ACBD6: variants seen among roughly 807,000 people sequenced by gnomAD.
ACBD6 encodes acyl-CoA binding domain containing 6.
In ACBD6, 28 loss-of-function variants were observed where a neutral mutation model predicts 37.2. That is an observed-to-expected ratio of 0.75 (90% CI 0.56 to 1.03). ACBD6 has a LOEUF of 1.03. ACBD6 is among the 50% of genes least tolerant of loss of function. The pLI is 0.00. For synonymous variants in ACBD6, 113 were observed against 126.8 expected (o/e 0.89, Z 0.73); for missense variants, 340 against 337.4 (o/e 1.01, Z -0.06).
chr1:180,459,875 C>A (rs1650063418), intron 3 of ACBD6, among the ~76,000 whole-genome samples: 1 of 151,750 alleles, frequency 6.6e-6, no homozygotes, highest in Non-Finnish European at 1.5e-5. Flanking sequence ...CTGGTTCCAG[C>A]CTGTGGGCTT....
At chr1:180,360,421 C>T (rs1404865708) in intron 6 of ACBD6, among the ~76,000 whole-genome samples, 1 of 152,158 alleles carries the variant, frequency 6.6e-6, no homozygotes. Flanking sequence ...CACACATGCC[C>T]TTGGCCAGTG....
At chr1:180,464,233 T>C (rs1366544843) in intron 3 of ACBD6, among the ~76,000 whole-genome samples, 2 of 152,124 alleles carry the variant, frequency 1.3e-5, no homozygotes, top group East Asian at 3.9e-4. Flanking sequence ...TCAAATAGTA[T>C]GAGAGGAAGT....
chr1:180,395,657 G>A (rs1020427540), intron 6 of ACBD6, among the ~76,000 whole-genome samples: 3 of 152,142 alleles, frequency 2.0e-5, no homozygotes, highest in Non-Finnish European at 4.4e-5. Context: ...AACAACAAGT[G>A]TGGACAAGGA....
intron 3 of ACBD6, among the ~76,000 whole-genome samples, chr1:180,436,357 C>G (rs182584064): frequency 2.8e-4 from 43 of 152,236 alleles, no homozygotes; most frequent in African/African-American, 1.0e-3. Context: ...ACAAACTCAC[C>G]TGAATGGGAT....
Position 180,439,071 on chromosome 1 carries a change from G to C in ACBD6, c.385-8809C>G, listed in dbSNP as rs558589171. 7.9e-5 allele frequency among the ~76,000 whole-genome samples: 12 copies of C among 152,064 alleles called. No individual in the cohort carries two copies. The South Asian group carries it at 1.7e-3, about 21-fold the overall frequency. ...CTTTCACTTAGCATTATGCATTTAA[G>C]GTTCCTCCATGTCTTTTCATGGTCT... is the stretch of plus-strand genomic sequence containing the variant. On this transcript the variant is annotated intron_variant, in intron 3 of 7. Coordinates refer to ENST00000367595, the MANE Select transcript of ACBD6 (RefSeq NM_032360.4).
chr1:180,271,330 C>T, exon 14 of ACBD6: 1 of 1,607,452 alleles, frequency 6.2e-7, no homozygotes, highest in Non-Finnish European at 8.5e-7. Flanking sequence ...GGAGGAGGCG[C>T]AGCTGCTGCA....
At chr1:180,343,135 C>G (rs1044471748) in intron 6 of ACBD6, among the ~76,000 whole-genome samples, 1 of 151,744 alleles carries the variant, frequency 6.6e-6, no homozygotes, top group Admixed American at 6.6e-5. Flanking sequence ...AAATACCCAA[C>G]TGAATTAAAA....
intron 9 of ACBD6, among the ~76,000 whole-genome samples, chr1:180,280,350 G>C (rs1454687768): frequency 7.7e-6 from 1 of 129,222 alleles, no homozygotes; most frequent in East Asian, 2.3e-4. Flanking sequence ...TTCCTGGATA[G>C]AGAAAACTTA....
At chr1:180,415,797 T>C (rs554959929) in intron 4 of ACBD6, among the ~76,000 whole-genome samples, 3 of 152,316 alleles carry the variant, frequency 2.0e-5, no homozygotes, top group African/African-American at 7.2e-5. Flanking sequence ...AGTAAAAAAG[T>C]AAACACAGTA....
chr1:180,340,057 C>A (rs1270555395), intron 6 of ACBD6, among the ~76,000 whole-genome samples: 2 of 151,886 alleles, frequency 1.3e-5, no homozygotes, highest in African/African-American at 2.4e-5. Flanking sequence ...GGTTATGTAC[C>A]CAGCATGTCT....
chr1:180,290,618 TAC>T (rs2149277873), intron 7 of ACBD6, among the ~76,000 whole-genome samples: 2 of 152,250 alleles, frequency 1.3e-5, no homozygotes, highest in South Asian at 4.2e-4. Context: ...CAGAAATACA[TAC>T]ACTGCAAAGG....
intron 6 of ACBD6, among the ~76,000 whole-genome samples, chr1:180,374,616 ATTC>A (rs1653369660): frequency 6.6e-6 from 1 of 152,234 alleles, no homozygotes; most frequent in Admixed American, 6.5e-5. Flanking sequence ...AATTAAAGTA[ATTC>A]TTTAGAAAAT....
rs1031578607 is a variant in ACBD6, at chr1:180,502,348, C to T, written c.-82G>A. 2.7e-6 allele frequency: 4 copies of T among 1,492,622 alleles called. No homozygotes were observed. The Admixed American group carries it at 7.5e-5, about 28-fold the overall frequency. The allele number at this position is 1,492,622 out of a possible 1,614,324, so 92.5% of individuals were successfully genotyped here. A position where few individuals can be genotyped will look rare whatever the true frequency, so the allele number is the denominator to read the frequency against. On this transcript the variant is annotated 5_prime_UTR_variant, in exon 1 of 8. The change creates a new upstream start codon in the 5' untranslated region. Coordinates refer to ENST00000367595, the MANE Select transcript of ACBD6 (RefSeq NM_032360.4). ...AAGGCCGGCTTGGAGGCCTGGCCCA[C>T]CAGTCTGGGTCGCGAGCCTGAGCTC...
At position 180,502,292 on chromosome 1, in the gene ACBD6, G is replaced by A. The variant is rs1262005474; in HGVS notation, c.-26C>T. 2 of 1,610,632 alleles carry A rather than the reference G, an allele frequency of 1.2e-6. No homozygotes were observed. Among genetic ancestry groups the A allele is most frequent in the South Asian group, 1.1e-5 (1 of 90,864 alleles). On this transcript the variant is annotated 5_prime_UTR_variant, in exon 1 of 8. Coordinates refer to ENST00000367595, the MANE Select transcript of ACBD6 (RefSeq NM_032360.4). ...GTCTCCTTGCTCGCTCCGTCCCTCT[G>A]TGTCCGGTCTGTCCTCCTTGGATTG... is the stretch of plus-strand genomic sequence containing the variant.
At chr1:180,450,662 A>G (rs1482710179) in intron 3 of ACBD6, among the ~76,000 whole-genome samples, 3 of 152,194 alleles carry the variant, frequency 2.0e-5, no homozygotes, top group African/African-American at 7.2e-5. Context: ...CGGGAGGCTG[A>G]GGCAGAAGAA....
Position 180,305,978 on chromosome 1 carries a change from C to T in ACBD6, c.694+8714G>A, listed in dbSNP as rs562931265. Among the ~76,000 whole-genome samples the T allele has an allele frequency of 2.6e-5, 4 of 151,854 alleles. No individual in the cohort carries two copies. In the East Asian group the frequency reaches 5.8e-4, roughly 22 times the overall value. On this transcript the variant is annotated intron_variant, in intron 7 of 7. Transcript: ENST00000367595. Reference sequence around the variant, plus strand: ...ATGGATGAAGCTGGAAACCACCATTCGCAGCAAACTATCGCAAGGACAAAA... The same window carrying T: ...ATGGATGAAGCTGGAAACCACCATTTGCAGCAAACTATCGCAAGGACAAAA...
chr1:180,420,964 C>T (rs1362015361), intron 4 of ACBD6, among the ~76,000 whole-genome samples: 2 of 152,086 alleles, frequency 1.3e-5, no homozygotes, highest in Non-Finnish European at 2.9e-5. Flanking sequence ...TATGGCATTT[C>T]TGTCTACATT....
intron 6 of ACBD6, among the ~76,000 whole-genome samples, chr1:180,396,689 G>C (rs1183732088): frequency 1.3e-5 from 2 of 152,058 alleles, no homozygotes; most frequent in Non-Finnish European, 2.9e-5. Context: ...GTATGAAAAG[G>C]TACTCCATAT....
chr1:180,375,883 A>AT (rs1454446472), intron 6 of ACBD6, among the ~76,000 whole-genome samples: 1 of 152,202 alleles, frequency 6.6e-6, no homozygotes, highest in African/African-American at 2.4e-5. Context: ...TACCATAAAC[A>AT]AAATCAACAG....
Sources: gnomAD v4.1 joint callset for allele counts (sites outside exome capture counted in the v4.1 genomes callset) on GRCh38, gnomAD v4.1.1 for gene constraint, MANE v1.5 for transcripts, NCBI Gene and HGNC (gene_info 2026-07-23, HGNC 2026-07-21) for gene names.